The following TKTL1 variants were observed in gnomAD, a reference collection of about 807,000 sequenced individuals.
The protein encoded by TKTL1 is transketolase-like protein 1.
A neutral mutation model predicts 39.3 loss-of-function variants in TKTL1; 1 was observed. The ratio of observed to expected loss-of-function variants is 0.03; its 90% CI spans 0.01 to 0.12. TKTL1 has a LOEUF of 0.12. Among genes scored for constraint, TKTL1 ranks in the 10% least tolerant of loss-of-function variants. The pLI, the probability that TKTL1 is intolerant of heterozygous loss-of-function variation, is 1.00. For synonymous variants in TKTL1, 262 were observed against 193.8 expected, an observed-to-expected ratio of 1.35 and a Z score of -2.92; for missense variants, 575 against 509.6, an observed-to-expected ratio of 1.13 and a Z score of -1.24.
At chrX:154,298,239 G>A (rs1316201631) in intron 1 of TKTL1, among the ~76,000 whole-genome samples, 1 of 109,744 alleles carries the variant, frequency 9.1e-6, no homozygotes, top group East Asian at 2.8e-4. Flanking sequence ...TTTAAGCAGG[G>A]TCTTGCTCTT....
chrX:154,328,104 A>T (rs1455031307), intron 12 of TKTL1, 146 bp downstream of exon 12: 1 of 766,250 alleles, frequency 1.3e-6, no homozygotes, highest in African/African-American at 2.1e-5. Context: ...GCGTGGGGCC[A>T]TACTCATACA....
chrX:154,305,278 T>A (rs1569550839), intron 1 of TKTL1, 26 bp from the exon 2 acceptor site: 8 of 1,199,349 alleles, frequency 6.7e-6, no homozygotes, highest in Non-Finnish European at 7.9e-6. Flanking sequence ...CTGTGAGAAA[T>A]GACCAGTGTC....
chrX:154,315,370 A>T, intron 7 of TKTL1, 33 bp downstream of exon 7: 6 of 1,157,238 alleles, frequency 5.2e-6, no homozygotes, highest in Non-Finnish European at 7.0e-6. Context: ...GGCTTCTTAG[A>T]ATCAATGGCC....
At chrX:154,322,251 A>G (rs1426786090) in intron 8 of TKTL1, among the ~76,000 whole-genome samples, 1 of 103,119 alleles carries the variant, frequency 9.7e-6, no homozygotes, top group Admixed American at 1.0e-4. Flanking sequence ...AAAAAAAAAA[A>G]GCCAGAGCGG....
intron 10 of TKTL1, among the ~76,000 whole-genome samples, chrX:154,325,934 T>C (rs2067490538): frequency 8.9e-6 from 1 of 112,004 alleles, no homozygotes; most frequent in African/African-American, 3.2e-5. Flanking sequence ...CAGTGAGCTA[T>C]GATGGATCAC....
rs192912565 is a variant in TKTL1, at chrX:154,320,833, G to A, written c.1106G>A (p.Arg369Gln). Residue 369 changes from arginine to glutamine, a missense_variant, in exon 8 of 13, where the codon CGA becomes CAA. Arg to Gln is a conservative substitution (Grantham distance 43, BLOSUM62 1). Transcript: ENST00000369915. ...AGCACCTTTGCTGCCTTTCTGACTC[G>A]AGCATTTGATCACATCCGGATAGGA... ...FASTFAAFLT[R>Q]AFDHIRIGGL... is the part of the protein sequence containing the mutation. 125 of 1,209,326 alleles carry A rather than the reference G, an allele frequency of 1.0e-4. No individual in the cohort carries two copies. In the Middle Eastern group the frequency reaches 1.4e-3, roughly 13 times the overall value.
At chrX:154,298,961 C>T (rs782216462) in intron 1 of TKTL1, among the ~76,000 whole-genome samples, 40 of 109,562 alleles carry the variant, frequency 3.7e-4, no homozygotes, top group Non-Finnish European at 6.1e-4. Flanking sequence ...CTGCCCGCTT[C>T]GGCTCCCAAA....
chrX:154,313,979 C>G (rs1400799526), intron 6 of TKTL1, among the ~76,000 whole-genome samples: 7 of 109,010 alleles, frequency 6.4e-5, no homozygotes, highest in African/African-American at 2.3e-4. Context: ...TCCATAGTTG[C>G]ATAATTGGTA....
At chrX:154,306,619 T>TG (rs1231234266) in intron 2 of TKTL1, among the ~76,000 whole-genome samples, 7 of 111,586 alleles carry the variant, frequency 6.3e-5, no homozygotes, top group Non-Finnish European at 1.1e-4. Flanking sequence ...TCTATAAACT[T>TG]GAACTTTTTT....
At chrX:154,300,570 C>CTCAAGCT (rs1418154070) in intron 1 of TKTL1, among the ~76,000 whole-genome samples, 1 of 111,928 alleles carries the variant, frequency 8.9e-6, no homozygotes, top group Non-Finnish European at 1.9e-5. Flanking sequence ...GTTCTTGATT[C>CTCAAGCT]TCAAGCTTGG....
intron 3 of TKTL1, among the ~76,000 whole-genome samples, chrX:154,309,833 C>T (rs1490448175): frequency 9.0e-6 from 1 of 110,978 alleles, no homozygotes; most frequent in African/African-American, 3.3e-5. Context: ...CTCCCAGTTT[C>T]AAGTGATTCT....
chrX:154,305,228 G>A (rs1381889724), intron 1 of TKTL1, 76 bp from the exon 2 acceptor site: 36 of 1,187,381 alleles, frequency 3.0e-5, no homozygotes, highest in Non-Finnish European at 3.9e-5. Context: ...GCTTCTATGA[G>A]GAGACCATGT....
chrX:154,321,501 G>GA (rs1299373873), intron 8 of TKTL1, among the ~76,000 whole-genome samples: 1 of 49,198 alleles, frequency 2.0e-5, no homozygotes, highest in African/African-American at 8.7e-5. Flanking sequence ...TGGTGGGGGA[G>GA]AAAACCAGGG....
At chrX:154,309,281 G>A (rs1383731990) in intron 2 of TKTL1, 64 bp from the exon 3 acceptor site, 9 of 958,348 alleles carry the variant, frequency 9.4e-6, no homozygotes, top group East Asian at 6.1e-5. Context: ...CACTCAGTGC[G>A]TGAGTCCACC....
At chrX:154,321,776 G>A (rs2067453142) in intron 8 of TKTL1, among the ~76,000 whole-genome samples, 1 of 106,993 alleles carries the variant, frequency 9.3e-6, no homozygotes, top group African/African-American at 3.4e-5. Flanking sequence ...GCCATCTCAG[G>A]GACTCCCTGG....
chrX:154,308,104 C>T (rs2067329420), intron 2 of TKTL1, among the ~76,000 whole-genome samples: 2 of 111,920 alleles, frequency 1.8e-5, no homozygotes, highest in Admixed American at 1.9e-4. Context: ...AGGCAGGAAA[C>T]AAACTTTTAA....
intron 3 of TKTL1, among the ~76,000 whole-genome samples, chrX:154,310,053 C>G (rs148783624): frequency 0.01 from 1,153 of 110,995 alleles, 8 homozygotes; most frequent in African/African-American, 0.036. Flanking sequence ...TTTCTTGATG[C>G]GAACACTCAC....
At chrX:154,308,476 T>G (rs1441159343) in intron 2 of TKTL1, among the ~76,000 whole-genome samples, 1 of 111,631 alleles carries the variant, frequency 9.0e-6, no homozygotes, top group Non-Finnish European at 1.9e-5. Flanking sequence ...CTTAGAAAGT[T>G]GAGCGATGTG....
At chrX:154,296,052 C>G in intron 1 of TKTL1, 59 bp downstream of exon 1, 1 of 1,175,864 alleles carries the variant, frequency 8.5e-7, no homozygotes, top group South Asian at 1.9e-5. Context: ...TGGCTTCAGG[C>G]CTGGTGGCCA....
Sources: gnomAD v4.1 joint callset for allele counts (sites outside exome capture counted in the v4.1 genomes callset) on GRCh38, gnomAD v4.1.1 for gene constraint, MANE v1.5 for transcripts, NCBI Gene and HGNC (gene_info 2026-07-23, HGNC 2026-07-21) for gene names.